PPP1R9A: variants seen among roughly 807,000 people sequenced by gnomAD.
PPP1R9A encodes the protein protein phosphatase 1 regulatory subunit 9A.
PPP1R9A carries 59 observed loss-of-function variants against 141.9 expected under a neutral mutation model. That is an observed-to-expected ratio of 0.42 (90% CI 0.34 to 0.52). PPP1R9A has a LOEUF of 0.52. Among genes scored for constraint, PPP1R9A ranks in the 20% least tolerant of loss-of-function variants. PPP1R9A has a pLI of 0.10. For synonymous variants in PPP1R9A, 500 were observed against 569.7 expected (o/e 0.88, Z 1.74); for missense variants, 1,444 against 1,611.9 (o/e 0.90, Z 1.78).
chr7:95,267,743 G>A lies in PPP1R9A; in HGVS notation c.2666-807G>A, dbSNP rs145886094. ...TATTTACCCTTCGAAAATCAGTGTC[G>A]TTTCTGGTGGGGAGAGAAGGTATTC... On this transcript the variant is annotated intron_variant, in intron 12 of 19. Transcript: ENST00000433360. 7.8e-3 allele frequency among the ~76,000 whole-genome samples: 1,184 copies of A among 152,076 alleles called. 14 individuals carry two copies. The highest frequency in any genetic ancestry group is 0.027 in the African/African-American group (1,123 of 41,470).
intron 7 of PPP1R9A, among the ~76,000 whole-genome samples, chr7:95,211,144 A>C (rs199663212): frequency 1.9e-5 from 1 of 51,788 alleles, no homozygotes; most frequent in Non-Finnish European, 5.3e-5. Context: ...CTTAAAGTAT[A>C]AAAAAAAAAA....
chr7:95,150,981 C>A (rs891608849), intron 4 of PPP1R9A, among the ~76,000 whole-genome samples: 4 of 152,144 alleles, frequency 2.6e-5, no homozygotes, highest in African/African-American at 9.7e-5. Context: ...ATACCTGTTA[C>A]AATAGCTAAA....
intron 2 of PPP1R9A, among the ~76,000 whole-genome samples, chr7:95,029,965 A>G (rs1807428443): frequency 6.6e-6 from 1 of 152,226 alleles, no homozygotes; most frequent in South Asian, 2.1e-4. Context: ...TGTTGCAGGT[A>G]CTAGGGCTCT....
chr7:95,144,953 C>T (rs1240891738), intron 4 of PPP1R9A, among the ~76,000 whole-genome samples: 1 of 152,048 alleles, frequency 6.6e-6, no homozygotes, highest in Non-Finnish European at 1.5e-5. Flanking sequence ...AGTGAACTAC[C>T]TGAAAAATTA....
At chr7:95,206,975 A>AC (rs1489435649) in intron 7 of PPP1R9A, among the ~76,000 whole-genome samples, 1 of 152,086 alleles carries the variant, frequency 6.6e-6, no homozygotes, top group Non-Finnish European at 1.5e-5. Context: ...CCAGTGTCAA[A>AC]CCTTGGGTGC....
intron 2 of PPP1R9A, among the ~76,000 whole-genome samples, chr7:94,947,532 G>A (rs1185453071): frequency 1.3e-5 from 2 of 152,108 alleles, no homozygotes; most frequent in Non-Finnish European, 2.9e-5. Flanking sequence ...CAGAAAGTGG[G>A]TTCAGATGCT....
At chr7:95,201,111 A>G (rs62467344) in intron 6 of PPP1R9A, among the ~76,000 whole-genome samples, 17,435 of 152,250 alleles carry the variant, frequency 0.11, 1,141 homozygotes, top group Non-Finnish European at 0.14. Flanking sequence ...TAATAGGGAA[A>G]TCAAGTCTTT....
chr7:94,910,183 C>T lies in PPP1R9A; in HGVS notation c.70C>T (p.Arg24Ter). 1 of 1,613,996 alleles carries T rather than the reference C, an allele frequency of 6.2e-7. No individual in the cohort carries two copies. Among genetic ancestry groups the T allele is most frequent in the Non-Finnish European group, 8.5e-7 (1 of 1,179,960 alleles). Residue 24 changes from arginine to a stop codon, truncating the protein, a stop_gained, in exon 2 of 20, where the codon CGA (arginine) becomes TGA (stop). Transcript: ENST00000433360. LOFTEE classifies it high-confidence loss of function. The surrounding 1 kb of genome is among the most constrained non-coding windows in gnomAD (Gnocchi z 4.5). Reference protein sequence around the residue: ...RSASPHRNAYRTEFQALKSTF... With the variant: ...RSASPHRNAY ...TGCCTCTCCTCACAGGAATGCATAT[C>T]GAACTGAGTTTCAGGCACTGAAAAG... is the stretch of plus-strand genomic sequence containing the variant.
intron 2 of PPP1R9A, among the ~76,000 whole-genome samples, chr7:94,981,581 G>A (rs931458167): frequency 5.9e-5 from 9 of 151,976 alleles, no homozygotes; most frequent in Non-Finnish European, 1.2e-4. Context: ...TAATTATCTT[G>A]TGGGCATATT....
At chr7:95,128,169 C>T (rs1208490029) in intron 4 of PPP1R9A, among the ~76,000 whole-genome samples, 2 of 152,140 alleles carry the variant, frequency 1.3e-5, no homozygotes, top group Non-Finnish European at 2.9e-5. Context: ...ACAGCCTCAC[C>T]AGCATCTGTT....
intron 2 of PPP1R9A, among the ~76,000 whole-genome samples, chr7:95,055,295 C>T (rs1297404127): frequency 6.6e-6 from 1 of 151,652 alleles, no homozygotes; most frequent in Admixed American, 6.6e-5. Context: ...CTGTTGAGAA[C>T]TCTAGTACTG....
chr7:95,265,274 G>A (rs1801102962), intron 12 of PPP1R9A, among the ~76,000 whole-genome samples: 1 of 152,158 alleles, frequency 6.6e-6, no homozygotes, highest in Non-Finnish European at 1.5e-5. Context: ...TTCCAGACTT[G>A]AGATTGACCT....
Position 95,182,857 on chromosome 7 carries a change from A to AT in PPP1R9A, c.1755-15488dup, listed in dbSNP as rs561499042. Among the ~76,000 whole-genome samples the AT allele has an allele frequency of 2.6e-3, 397 of 151,830 alleles. 1 individual carries two copies. The highest frequency in any genetic ancestry group is 3.7e-3 in the Non-Finnish European group (249 of 67,998). On this transcript the variant is annotated intron_variant, in intron 5 of 19. Transcript: ENST00000433360. The stretch of plus-strand genomic sequence containing the variant: ...ATTTCAAAAAAACTAATTAAATGTG[A>AT]TTTTGCCTTGATGAGGCATTTTCTG...
At chr7:95,195,171 A>G in intron 5 of PPP1R9A, among the ~76,000 whole-genome samples, 1 of 152,190 alleles carries the variant, frequency 6.6e-6, no homozygotes, top group Non-Finnish European at 1.5e-5. Flanking sequence ...AAGATATCAT[A>G]GACCTAATAT....
intron 2 of PPP1R9A, among the ~76,000 whole-genome samples, chr7:95,062,806 A>G (rs532649744): frequency 5.3e-5 from 8 of 152,166 alleles, no homozygotes; most frequent in African/African-American, 1.9e-4. Flanking sequence ...AAAAATAGCC[A>G]TAACAGGCTT....
intron 2 of PPP1R9A, among the ~76,000 whole-genome samples, chr7:95,081,893 CA>C (rs1220582846): frequency 8.3e-4 from 126 of 152,266 alleles, no homozygotes; most frequent in African/African-American, 2.9e-3. Flanking sequence ...CCCCTGCCCC[CA>C]ACAAACTTCC....
At chr7:95,261,771 T>C (rs539790726) in intron 12 of PPP1R9A, among the ~76,000 whole-genome samples, 1 of 152,212 alleles carries the variant, frequency 6.6e-6, no homozygotes, top group African/African-American at 2.4e-5. Flanking sequence ...CCATTTTCTA[T>C]TAAAGTACTA....
chr7:94,993,996 G>A (rs1041731147), intron 2 of PPP1R9A, among the ~76,000 whole-genome samples: 3 of 152,132 alleles, frequency 2.0e-5, no homozygotes, highest in African/African-American at 7.2e-5. Context: ...CAAGGTTTAT[G>A]GCTGACATCC....
intron 2 of PPP1R9A, among the ~76,000 whole-genome samples, chr7:95,004,306 G>T (rs1202564521): frequency 6.6e-6 from 1 of 151,860 alleles, no homozygotes; most frequent in Non-Finnish European, 1.5e-5. Context: ...ATTTTGTAAA[G>T]AAATTTATTT....
Sources: allele counts gnomAD v4.1 joint callset (sites outside exome capture counted in the v4.1 genomes callset), GRCh38; gene constraint gnomAD v4.1.1; non-coding constraint Gnocchi (gnomAD v3.1); transcripts MANE v1.5; gene names NCBI Gene and HGNC (gene_info 2026-07-23, HGNC 2026-07-21).